Variants in NKAIN3 observed in about 807,000 individuals in gnomAD.
NKAIN3 encodes sodium/potassium transporting ATPase interacting 3.
Under a neutral mutation model 30.2 loss-of-function variants are expected in NKAIN3, and 25 were observed. The observed-to-expected ratio is 0.83, with a 90% confidence interval of 0.60 to 1.16. NKAIN3 has a LOEUF of 1.16. Ranked by LOEUF, NKAIN3 falls within the 50% of genes most tolerant of loss-of-function variation. NKAIN3 has a pLI of 0.00. For synonymous variants in NKAIN3, 91 were observed against 89.6 expected, an observed-to-expected ratio of 1.02 and a Z score of -0.09; for missense variants, 225 against 254.1, an observed-to-expected ratio of 0.89 and a Z score of 0.78.
intron 4 of NKAIN3, among the ~76,000 whole-genome samples, chr8:62,819,161 A>G (rs2130728093): frequency 1.3e-5 from 2 of 148,600 alleles, no homozygotes; most frequent in South Asian, 4.2e-4. Context: ...ACATATATAT[A>G]TATATAATTG....
intron 3 of NKAIN3, among the ~76,000 whole-genome samples, chr8:62,661,901 A>C (rs898103871): frequency 1.3e-5 from 2 of 152,050 alleles, no homozygotes; most frequent in African/African-American, 4.8e-5. Flanking sequence ...CTTTGGCTGA[A>C]TGGAGCTCTT....
At chr8:62,459,250 G>A (rs1805914025) in intron 1 of NKAIN3, among the ~76,000 whole-genome samples, 1 of 152,112 alleles carries the variant, frequency 6.6e-6, no homozygotes, top group Admixed American at 6.5e-5. Flanking sequence ...CTGTGGCCTC[G>A]GAGATCGAGG....
At chr8:62,812,162 T>C (rs1184235949) in intron 4 of NKAIN3, among the ~76,000 whole-genome samples, 1 of 151,964 alleles carries the variant, frequency 6.6e-6, no homozygotes, top group Non-Finnish European at 1.5e-5. Context: ...TGTGAATCTA[T>C]TTCTGGATTC....
chr8:62,870,062 G>GCCCAGC (rs1179256749), intron 4 of NKAIN3, among the ~76,000 whole-genome samples: 5 of 151,298 alleles, frequency 3.3e-5, no homozygotes, highest in Non-Finnish European at 7.4e-5. Context: ...GAGCCACCGC[G>GCCCAGC]CCCAGCCCCA....
intron 1 of NKAIN3, among the ~76,000 whole-genome samples, chr8:62,470,491 C>G (rs1806295049): frequency 6.6e-6 from 1 of 152,078 alleles, no homozygotes; most frequent in Non-Finnish European, 1.5e-5. Context: ...GACATGTTGA[C>G]TTAATTTAAT....
intron 1 of NKAIN3, among the ~76,000 whole-genome samples, chr8:62,499,362 G>A (rs1485203216): frequency 1.3e-5 from 2 of 151,896 alleles, no homozygotes; most frequent in Non-Finnish European, 2.9e-5. Context: ...GTATTAGAGA[G>A]GTCTTTCACT....
chr8:62,804,148 G>A (rs1818183869), intron 4 of NKAIN3, among the ~76,000 whole-genome samples: 2 of 152,164 alleles, frequency 1.3e-5, no homozygotes, highest in Admixed American at 1.3e-4. Context: ...AAGAGTCCAG[G>A]ACCAGATGGA....
At chr8:62,783,126 A>T (rs1817405879) in intron 4 of NKAIN3, among the ~76,000 whole-genome samples, 1 of 152,146 alleles carries the variant, frequency 6.6e-6, no homozygotes, top group South Asian at 2.1e-4. Context: ...ATGCACAAAA[A>T]TAATTGATAA....
rs529073180 is a variant in NKAIN3, at chr8:62,974,901, C to T, written c.*9494C>T. On this transcript the variant is annotated 3_prime_UTR_variant, in exon 7 of 7. Coordinates refer to ENST00000623646, the MANE Select transcript of NKAIN3 (RefSeq NM_001304533.3). Reference sequence around the variant, plus strand: ...GTTGAATTTTGTCGAAGGCCTTTTCCGCATCTATTGAGATAATCATGTGGT... The same window carrying T: ...GTTGAATTTTGTCGAAGGCCTTTTCTGCATCTATTGAGATAATCATGTGGT... 5.9e-5 allele frequency among the ~76,000 whole-genome samples: 9 copies of T among 152,140 alleles called. No homozygotes were observed. Among genetic ancestry groups the T allele is most frequent in the East Asian group, 3.9e-4 (2 of 5,184 alleles).
At position 62,400,029 on chromosome 8, in the gene NKAIN3, G is replaced by A. The variant is rs563182314; in HGVS notation, c.54+150902G>A. Among the ~76,000 whole-genome samples the A allele has an allele frequency of 3.3e-5, 5 of 152,094 alleles. No individual in the cohort carries two copies. The South Asian group carries it at 6.2e-4, about 19-fold the overall frequency. The stretch of plus-strand genomic sequence containing the variant: ...CTAGGACTTCCAGCAGAAGTAGAGA[G>A]TTTGGCTTACATGAGAGGAGGAACA... On this transcript the variant is annotated intron_variant, in intron 1 of 6. Coordinates refer to ENST00000623646, the MANE Select transcript of NKAIN3 (RefSeq NM_001304533.3).
chr8:62,809,946 A>G (rs570545882), intron 4 of NKAIN3, among the ~76,000 whole-genome samples: 20 of 152,310 alleles, frequency 1.3e-4, no homozygotes, highest in Non-Finnish European at 2.5e-4. Context: ...GAAAGGAGAT[A>G]GAATAATTGT....
chr8:62,528,218 C>A (rs1360489460), intron 1 of NKAIN3, among the ~76,000 whole-genome samples: 2 of 147,290 alleles, frequency 1.4e-5, no homozygotes, highest in Non-Finnish European at 3.0e-5. Context: ...ACAATAGGCA[C>A]TGGGGAGTAC....
At chr8:62,326,652 G>A (rs1480382396) in intron 1 of NKAIN3, among the ~76,000 whole-genome samples, 1 of 151,894 alleles carries the variant, frequency 6.6e-6, no homozygotes, top group Admixed American at 6.6e-5. Context: ...AAAACTAAAT[G>A]TATGTACCTT....
intron 2 of NKAIN3, among the ~76,000 whole-genome samples, chr8:62,585,666 C>T (rs180865348): frequency 1.2e-3 from 176 of 152,214 alleles, no homozygotes; most frequent in Non-Finnish European, 2.0e-3. Flanking sequence ...TCTAATGCCA[C>T]GCTGATCTGA....
intron 1 of NKAIN3, among the ~76,000 whole-genome samples, chr8:62,479,907 G>A (rs777128606): frequency 6.6e-6 from 1 of 152,164 alleles, no homozygotes; most frequent in Non-Finnish European, 1.5e-5. Context: ...AAACAAGTGA[G>A]AAAGGTAAAA....
chr8:62,772,661 T>C (rs542853547), intron 4 of NKAIN3, among the ~76,000 whole-genome samples: 10 of 146,978 alleles, frequency 6.8e-5, no homozygotes, highest in African/African-American at 2.0e-4. Flanking sequence ...ATCTTTTGCC[T>C]ACTTTTTTTT....
At chr8:62,790,983 T>C (rs956258671) in intron 4 of NKAIN3, among the ~76,000 whole-genome samples, 5 of 152,170 alleles carry the variant, frequency 3.3e-5, no homozygotes, top group African/African-American at 7.2e-5. Flanking sequence ...TCCGTAGTAA[T>C]TGTATTATTG....
intron 1 of NKAIN3, among the ~76,000 whole-genome samples, chr8:62,484,617 A>G (rs557726135): frequency 1.3e-5 from 2 of 152,346 alleles, no homozygotes; most frequent in East Asian, 3.9e-4. Flanking sequence ...GATTGCACTC[A>G]TTATGGCACT....
At chr8:62,672,331 GC>G (rs1389668960) in intron 3 of NKAIN3, among the ~76,000 whole-genome samples, 3 of 152,260 alleles carry the variant, frequency 2.0e-5, no homozygotes, top group African/African-American at 7.2e-5. Context: ...CAGAATGTTG[GC>G]CTCATGAGTG....
Sources: allele counts gnomAD v4.1 joint callset (sites outside exome capture counted in the v4.1 genomes callset), GRCh38; gene constraint gnomAD v4.1.1; transcripts MANE v1.5; gene names NCBI Gene and HGNC (gene_info 2026-07-23, HGNC 2026-07-21).